The following LY75 variants were observed in gnomAD, a reference collection of about 807,000 sequenced individuals.
LY75 encodes the protein lymphocyte antigen 75, also known as C-type lectin domain family 13 member B.
A neutral mutation model predicts 231.7 loss-of-function variants in LY75; 185 were observed. That is an observed-to-expected ratio of 0.80 (90% CI 0.71 to 0.90). LY75 has a LOEUF of 0.90. Ranked by LOEUF, LY75 falls within the 40% of genes least tolerant of loss-of-function variation. The pLI is 0.00. For missense variants in LY75, 1,947 were observed against 2,050.2 expected (o/e 0.95, Z 0.97); for synonymous variants, 668 against 689.0 (o/e 0.97, Z 0.48).
Position 159,858,382 on chromosome 2 carries a change from C to A in LY75, c.2363G>T (p.Trp788Leu), listed in dbSNP as rs1169498834. 1.2e-6 allele frequency: 2 copies of A among 1,613,250 alleles called. No homozygotes were observed. Among genetic ancestry groups the A allele is most frequent in the Non-Finnish European group, 1.7e-6 (2 of 1,179,608 alleles). The change falls in exon 16 of 35, where the codon TGG (tryptophan) becomes TTG (leucine). Residue 788 changes from tryptophan (W) to leucine (L), a missense_variant. Trp to Leu is a moderately conservative substitution (Grantham distance 61). Coordinates refer to ENST00000263636, the MANE Select transcript of LY75 (RefSeq NM_002349.4). ...CTTACCTTTTGGAATTTGGCACACC[C>A]ATTCAAGTTTTGTATCACAAGCAAA... ...RPFACDTKLEWVCQIPKGRTP... is the reference protein window; with the variant it reads ...RPFACDTKLELVCQIPKGRTP...
At chr2:159,873,164 GAAGA>G (rs1685070328) in intron 12 of LY75, among the ~76,000 whole-genome samples, 1 of 140,390 alleles carries the variant, frequency 7.1e-6, no homozygotes, top group Middle Eastern at 3.9e-3. Flanking sequence ...AAAGAAGAAA[GAAGA>G]AAAAGAGGAG....
At chr2:159,853,470 T>C in intron 19 of LY75, 118 bp from the exon 20 acceptor site, 2 of 1,461,160 alleles carry the variant, frequency 1.4e-6, no homozygotes, top group Non-Finnish European at 1.9e-6. Context: ...TCTATACCCC[T>C]TTTTTCTTGA....
At chr2:159,824,147 G>A (rs184569403) in intron 28 of LY75, among the ~76,000 whole-genome samples, 1 of 152,098 alleles carries the variant, frequency 6.6e-6, no homozygotes, top group African/African-American at 2.4e-5. Flanking sequence ...TAAAACACAC[G>A]ACTGGCAAAT....
At chr2:159,894,507 T>G (rs765035405) in intron 2 of LY75, among the ~76,000 whole-genome samples, 8 of 152,226 alleles carry the variant, frequency 5.3e-5, no homozygotes, top group Non-Finnish European at 1.2e-4. Context: ...CTTTAGAAAG[T>G]GTTGGAGCCA....
At chr2:159,878,193 CATAG>C in intron 11 of LY75, 127 bp downstream of exon 11, 1 of 1,261,912 alleles carries the variant, frequency 7.9e-7, no homozygotes, top group South Asian at 1.6e-5. Context: ...TTTATGGTTC[CATAG>C]ATAGACTCCA....
At chr2:159,822,532 A>T (rs1283121246) in intron 28 of LY75, among the ~76,000 whole-genome samples, 1 of 152,216 alleles carries the variant, frequency 6.6e-6, no homozygotes, top group Non-Finnish European at 1.5e-5. Flanking sequence ...CAGCAGCCAC[A>T]GTCAGGGACT....
intron 15 of LY75, 151 bp downstream of exon 15, chr2:159,860,670 G>C: frequency 1.3e-6 from 1 of 789,598 alleles, no homozygotes; most frequent in Non-Finnish European, 2.0e-6. Context: ...TGTAAGTTAG[G>C]CTGCTGAGGG....
intron 33 of LY75, 92 bp downstream of exon 33, chr2:159,808,357 C>G: frequency 6.3e-7 from 1 of 1,598,572 alleles, no homozygotes; most frequent in Non-Finnish European, 8.5e-7. Context: ...TCTGAATTAG[C>G]CACTACTTAA....
At chr2:159,828,373 A>G (rs894434535) in intron 28 of LY75, among the ~76,000 whole-genome samples, 45 of 152,242 alleles carry the variant, frequency 3.0e-4, no homozygotes, top group African/African-American at 1.1e-3. Context: ...CCCAAAGGTG[A>G]TATACAAATA....
intron 27 of LY75, among the ~76,000 whole-genome samples, chr2:159,833,343 T>C (rs911776969): frequency 2.0e-5 from 3 of 152,138 alleles, no homozygotes; most frequent in African/African-American, 7.2e-5. Context: ...TCTTGAATGG[T>C]TGGCATCAAA....
intron 16 of LY75, among the ~76,000 whole-genome samples, chr2:159,855,618 G>A (rs1032644231): frequency 6.6e-6 from 1 of 152,136 alleles, no homozygotes; most frequent in East Asian, 1.9e-4. Context: ...ATGGTATTTC[G>A]GATGAGTGGC....
intron 23 of LY75, among the ~76,000 whole-genome samples, chr2:159,847,427 G>A (rs1432710342): frequency 6.6e-6 from 1 of 152,058 alleles, no homozygotes; most frequent in Non-Finnish European, 1.5e-5. Context: ...GAACCCCAGG[G>A]CTTAAGCAGG....
At chr2:159,842,433 C>A (rs1225834300) in intron 23 of LY75, 59 bp from the exon 24 acceptor site, 2 of 1,513,490 alleles carry the variant, frequency 1.3e-6, no homozygotes, top group Non-Finnish European at 1.8e-6. Context: ...AAGCTCCTAG[C>A]AAGAAAAGTT....
chr2:159,874,963 TTATAA>T (rs2125871351), intron 12 of LY75, among the ~76,000 whole-genome samples: 1 of 138,494 alleles, frequency 7.2e-6, no homozygotes, highest in African/African-American at 2.6e-5. Flanking sequence ...ATAAATATAT[TTATAA>T]TATATATATT....
chr2:159,816,593 C>A (rs567994527), intron 30 of LY75, among the ~76,000 whole-genome samples: 124 of 152,260 alleles, frequency 8.1e-4, no homozygotes, highest in African/African-American at 2.9e-3. Flanking sequence ...ATCCACTGGG[C>A]CCTTGGGATG....
intron 27 of LY75, among the ~76,000 whole-genome samples, chr2:159,832,403 A>C (rs1437689430): frequency 6.6e-6 from 1 of 152,204 alleles, no homozygotes; most frequent in African/African-American, 2.4e-5. Context: ...ATGAGAATCT[A>C]ACTAAGGTCT....
Position 159,853,694 on chromosome 2 carries a change from A to G in LY75, c.2599T>C (p.Ser867Pro). ...KAIKNKIANI[S>P]GDGQKWWIRI... The stretch of plus-strand genomic sequence containing the variant: ...ATCCACCACTTCTGTCCATCACCAG[A>G]TATCTGAAAAACAAGCCAAACATCC... Residue 867 changes from serine (S) to proline (P), a missense_variant, in exon 19 of 35, where the codon TCT (serine) becomes CCT (proline). Ser to Pro is a moderately conservative substitution (Grantham distance 74). Coordinates refer to ENST00000263636, the MANE Select transcript of LY75 (RefSeq NM_002349.4). 1 of 1,613,458 alleles carries G rather than the reference A, an allele frequency of 6.2e-7. No homozygotes were observed. The highest frequency in any genetic ancestry group is 8.5e-7 in the Non-Finnish European group (1 of 1,179,796).
chr2:159,866,068 T>C (rs1211622807), intron 13 of LY75, among the ~76,000 whole-genome samples: 1 of 152,174 alleles, frequency 6.6e-6, no homozygotes, highest in African/African-American at 2.4e-5. Context: ...TCAGTACATA[T>C]GTGTGTATAC....
intron 25 of LY75, among the ~76,000 whole-genome samples, chr2:159,839,873 G>T (rs1004743427): frequency 1.3e-5 from 2 of 151,972 alleles, no homozygotes. Flanking sequence ...GGGCGTGTTG[G>T]CGCATGCCTG....
Sources: allele counts gnomAD v4.1 joint callset (sites outside exome capture counted in the v4.1 genomes callset), GRCh38; gene constraint gnomAD v4.1.1; transcripts MANE v1.5; gene names NCBI Gene and HGNC (gene_info 2026-07-23, HGNC 2026-07-21).